The following PLCB1 variants were observed in gnomAD, a reference collection of about 807,000 sequenced individuals.
The protein encoded by PLCB1 is phospholipase C beta 1, also known as 1-phosphatidylinositol 4,5-bisphosphate phosphodiesterase beta-1.
Under a neutral mutation model 161.8 loss-of-function variants are expected in PLCB1, and 46 were observed. The ratio of observed to expected loss-of-function variants is 0.28; its 90% CI spans 0.22 to 0.36. The LOEUF is 0.36. Among genes scored for constraint, PLCB1 ranks in the 10% least tolerant of loss-of-function variants. PLCB1 has a pLI of 1.00. For missense variants in PLCB1, 1,016 were observed against 1,472.5 expected (o/e 0.69, Z 5.07); for synonymous variants, 517 against 503.7 (o/e 1.03, Z -0.35).
At chr20:8,421,525 T>A (rs1725061583) in intron 3 of PLCB1, among the ~76,000 whole-genome samples, 1 of 152,092 alleles carries the variant, frequency 6.6e-6, no homozygotes, top group Non-Finnish European at 1.5e-5. Flanking sequence ...TATCAATACA[T>A]TTGTGAAACC....
At chr20:8,351,865 A>G (rs1986191068) in intron 2 of PLCB1, among the ~76,000 whole-genome samples, 1 of 152,140 alleles carries the variant, frequency 6.6e-6, no homozygotes, top group Non-Finnish European at 1.5e-5. Flanking sequence ...ATGCACAGCA[A>G]CAGTATCTCT....
chr20:8,550,396 C>T (rs527731957), intron 3 of PLCB1, among the ~76,000 whole-genome samples: 26 of 152,178 alleles, frequency 1.7e-4, no homozygotes, highest in South Asian at 6.2e-4. Flanking sequence ...TGGCTTCCCC[C>T]GTGTTGTTCT....
At chr20:8,711,497 G>A (rs965475020) in intron 12 of PLCB1, among the ~76,000 whole-genome samples, 2 of 152,126 alleles carry the variant, frequency 1.3e-5, no homozygotes, top group African/African-American at 4.8e-5. Context: ...TAATTTCTAT[G>A]TGACAAAAGA....
At position 8,707,963 on chromosome 20, in the gene PLCB1, A is replaced by G. The variant is rs541296237; in HGVS notation, c.1168-707A>G. Among the ~76,000 whole-genome samples the G allele has an allele frequency of 7.9e-5, 12 of 152,292 alleles. No individual in the cohort carries two copies. The East Asian group carries it at 1.9e-3, about 24-fold the overall frequency. ...GGTTACATTTATATGAAATAATTAG[A>G]ATAGGCAAATCTATGAATACATAAA... On this transcript the variant is annotated intron_variant, in intron 11 of 31. Coordinates refer to ENST00000338037, the MANE Select transcript of PLCB1 (RefSeq NM_015192.4).
chr20:8,851,683 C>T (rs1358153760), intron 31 of PLCB1, among the ~76,000 whole-genome samples: 3 of 151,556 alleles, frequency 2.0e-5, no homozygotes, highest in Non-Finnish European at 4.4e-5. Context: ...GTCATCAGCC[C>T]TGTGCTTCCA....
At chr20:8,785,203 T>A (rs1205164638) in intron 27 of PLCB1, among the ~76,000 whole-genome samples, 3 of 152,160 alleles carry the variant, frequency 2.0e-5, no homozygotes, top group Admixed American at 6.5e-5. Context: ...TTGAAATGGT[T>A]TCTTCCAGAT....
At chr20:8,623,318 T>G (rs56190934) in intron 3 of PLCB1, among the ~76,000 whole-genome samples, 7,421 of 152,274 alleles carry the variant, frequency 0.049, 600 homozygotes, top group African/African-American at 0.17. Context: ...TCTTCTAATT[T>G]TTTTTTGTTT....
chr20:8,745,582 A>G (rs1407859028), intron 23 of PLCB1, among the ~76,000 whole-genome samples: 1 of 151,988 alleles, frequency 6.6e-6, no homozygotes, highest in African/African-American at 2.4e-5. Context: ...AGGCAAAAAT[A>G]CATTATTCAG....
intron 3 of PLCB1, among the ~76,000 whole-genome samples, chr20:8,589,283 T>A (rs576542665): frequency 6.6e-6 from 1 of 152,304 alleles, no homozygotes; most frequent in Non-Finnish European, 1.5e-5. Context: ...CAAAACAGAC[T>A]CATATTCTAC....
At chr20:8,583,112 C>A (rs1439503235) in intron 3 of PLCB1, among the ~76,000 whole-genome samples, 1 of 152,030 alleles carries the variant, frequency 6.6e-6, no homozygotes, top group African/African-American at 2.4e-5. Flanking sequence ...AACACAAATA[C>A]TGTTTGATTC....
intron 3 of PLCB1, among the ~76,000 whole-genome samples, chr20:8,438,493 A>G (rs1326400457): frequency 6.6e-6 from 1 of 152,218 alleles, no homozygotes; most frequent in African/African-American, 2.4e-5. Flanking sequence ...ACAGGCTGGG[A>G]GAAAACAGTT....
At chr20:8,618,927 CA>C (rs1260124244) in intron 3 of PLCB1, among the ~76,000 whole-genome samples, 3 of 152,016 alleles carry the variant, frequency 2.0e-5, no homozygotes, top group African/African-American at 7.2e-5. Flanking sequence ...TAGAGTAACA[CA>C]AAAGGTATAT....
chr20:8,266,373 A>T (rs1981956122), intron 2 of PLCB1, among the ~76,000 whole-genome samples: 1 of 152,202 alleles, frequency 6.6e-6, no homozygotes, highest in Non-Finnish European at 1.5e-5. Context: ...TCATCCTCCA[A>T]GAGGCTAGCA....
chr20:8,267,888 A>G (rs182200393), intron 2 of PLCB1, among the ~76,000 whole-genome samples: 1 of 152,162 alleles, frequency 6.6e-6, no homozygotes, highest in East Asian at 1.9e-4. Flanking sequence ...AAAGTTACAT[A>G]TGAAGACTTG....
At chr20:8,235,579 GTC>G (rs768639509) in intron 2 of PLCB1, among the ~76,000 whole-genome samples, 3 of 152,178 alleles carry the variant, frequency 2.0e-5, no homozygotes, top group East Asian at 3.9e-4. Flanking sequence ...TCTTGAGCAT[GTC>G]TCTAAATTGG....
At position 8,533,657 on chromosome 20, in the gene PLCB1, G is replaced by A. The variant is rs547027795; in HGVS notation, c.247-94637G>A. On this transcript the variant is annotated intron_variant, in intron 3 of 31. Transcript: ENST00000338037. ...TCATGTGTTTTTTGGCTGCATAAAT[G>A]TCTTCTTTTGAGAAGTGTCTGTTCG... Among the ~76,000 whole-genome samples the A allele has an allele frequency of 7.3e-4, 110 of 150,314 alleles. No individual in the cohort carries two copies. The Middle Eastern group carries it at 0.014, about 19-fold the overall frequency.
intron 4 of PLCB1, among the ~76,000 whole-genome samples, chr20:8,633,560 T>A (rs1988669470): frequency 6.6e-6 from 1 of 152,068 alleles, no homozygotes; most frequent in African/African-American, 2.4e-5. Flanking sequence ...GGCTGAATCA[T>A]GGACAGTCCA....
intron 3 of PLCB1, among the ~76,000 whole-genome samples, chr20:8,391,822 T>TAC (rs1568658952): frequency 3.2e-4 from 33 of 102,914 alleles, no homozygotes; most frequent in African/African-American, 7.0e-4. Flanking sequence ...TATATATATA[T>TAC]ATACACACAC....
intron 2 of PLCB1, among the ~76,000 whole-genome samples, chr20:8,333,491 T>A (rs1317856649): frequency 6.6e-6 from 1 of 152,176 alleles, no homozygotes; most frequent in Non-Finnish European, 1.5e-5. Context: ...GTTTTCCAAC[T>A]AGGGGCAATA....
Sources: gnomAD v4.1 joint callset for allele counts (sites outside exome capture counted in the v4.1 genomes callset) on GRCh38, gnomAD v4.1.1 for gene constraint, MANE v1.5 for transcripts, NCBI Gene and HGNC (gene_info 2026-07-23, HGNC 2026-07-21) for gene names.